The following SEMA3A variants were observed in gnomAD, a reference collection of about 807,000 sequenced individuals.
The protein encoded by SEMA3A is semaphorin 3A, also known as semaphorin-3A.
In SEMA3A, 29 loss-of-function variants were observed where a neutral mutation model predicts 97.9. The observed-to-expected ratio is 0.30, with a 90% CI of 0.22 to 0.40. The LOEUF is 0.40. Among genes scored for constraint, SEMA3A ranks in the 10% least tolerant of loss-of-function variants. SEMA3A has a pLI of 1.00. For synonymous variants in SEMA3A, 321 were observed against 323.7 expected, an observed-to-expected ratio of 0.99 and a Z score of 0.09; for missense variants, 763 against 951.3, an observed-to-expected ratio of 0.80 and a Z score of 2.60.
intron 3 of SEMA3A, among the ~76,000 whole-genome samples, chr7:84,229,719 A>T (rs1799073383): frequency 6.6e-6 from 1 of 152,080 alleles, no homozygotes; most frequent in Non-Finnish European, 1.5e-5. Context: ...TGGACTCTCT[A>T]TCCAGAGAAC....
At position 83,960,905 on chromosome 7, in the gene SEMA3A, C is replaced by A; in HGVS notation, c.*466G>T. ...ATTTTACTCCTCAAGTACATACAAA[C>A]ATGAGGGCCGGTAGACAAAATATAT... On this transcript the variant is annotated 3_prime_UTR_variant, in exon 17 of 17. Coordinates refer to ENST00000265362, the MANE Select transcript of SEMA3A (RefSeq NM_006080.3). 1 of 166,654 alleles carries A rather than the reference C, an allele frequency of 6.0e-6. No homozygotes were observed. Among genetic ancestry groups the A allele is most frequent in the Non-Finnish European group, 1.3e-5 (1 of 76,058 alleles). The allele number at this position is 166,654 out of a possible 1,614,324, so 10.3% of individuals were successfully genotyped here.
At chr7:84,321,802 G>T (rs1801651602) in intron 2 of SEMA3A, among the ~76,000 whole-genome samples, 1 of 149,234 alleles carries the variant, frequency 6.7e-6, no homozygotes, top group African/African-American at 2.5e-5. Context: ...TGTGAACCGG[G>T]GAGGCAGGGG....
intron 1 of SEMA3A, among the ~76,000 whole-genome samples, chr7:84,443,925 T>C (rs1043415648): frequency 6.9e-6 from 1 of 145,814 alleles, no homozygotes; most frequent in Admixed American, 7.0e-5. Flanking sequence ...CTCACTCTGT[T>C]GCCCAAGCTG....
rs192530203 is a variant in SEMA3A, at chr7:84,044,918, C to T, written c.667+1406G>A. Among the ~76,000 whole-genome samples the T allele has an allele frequency of 8.5e-5, 13 of 152,126 alleles. No homozygotes were observed. In the East Asian group the frequency reaches 2.1e-3, roughly 25 times the overall value. On this transcript the variant is annotated intron_variant, in intron 6 of 16. Transcript: ENST00000265362. ...TAAAAGCCAAGGCTGAAGGGTCAAA[C>T]GTGGAGGCAGGGAGCATGCCTTTGT...
chr7:84,038,746 T>G (rs548971979), intron 6 of SEMA3A, among the ~76,000 whole-genome samples: 1 of 152,264 alleles, frequency 6.6e-6, no homozygotes, highest in African/African-American at 2.4e-5. Context: ...AATGGAGAAT[T>G]AACCTAATTG....
intron 3 of SEMA3A, among the ~76,000 whole-genome samples, chr7:84,116,121 C>A (rs187992722): frequency 6.6e-6 from 1 of 152,256 alleles, no homozygotes; most frequent in Non-Finnish European, 1.5e-5. Context: ...CTCCTTTCTA[C>A]CCCATCTTGC....
Position 84,001,678 on chromosome 7 carries a change from T to TTACA in SEMA3A, c.1452+276_1452+277insTGTA, listed in dbSNP as rs150026787. Among the ~76,000 whole-genome samples, 105,205 of 151,340 alleles carry TTACA rather than the reference T, an allele frequency of 0.7. 36,771 individuals carry two copies. The highest frequency in any genetic ancestry group is 0.76 in the African/African-American group (31,397 of 41,246). ...GGAAGAGTTTGTTCATTGAGGTAAC[T>TTACA]TAAATAATATAAAATGTAATATAAA... is the stretch of plus-strand genomic sequence containing the variant. On this transcript the variant is annotated intron_variant, in intron 12 of 16. Transcript: ENST00000265362.
chr7:84,370,811 T>C (rs1802954931), intron 2 of SEMA3A, among the ~76,000 whole-genome samples: 1 of 151,554 alleles, frequency 6.6e-6, no homozygotes, highest in Non-Finnish European at 1.5e-5. Context: ...GGTAATTACA[T>C]AAACCACAAG....
intron 4 of SEMA3A, among the ~76,000 whole-genome samples, chr7:84,102,237 T>C (rs1168868087): frequency 6.6e-6 from 1 of 152,196 alleles, no homozygotes; most frequent in Admixed American, 6.5e-5. Flanking sequence ...AGATGCTAAT[T>C]TAGGATAAAA....
intron 6 of SEMA3A, among the ~76,000 whole-genome samples, chr7:84,018,700 G>A (rs1047453489): frequency 1.6e-4 from 25 of 152,298 alleles, no homozygotes; most frequent in African/African-American, 6.0e-4. Flanking sequence ...AACGGAGAAA[G>A]TTGTACACAC....
chr7:84,362,161 C>G (rs1306809719), intron 2 of SEMA3A, among the ~76,000 whole-genome samples: 1 of 151,764 alleles, frequency 6.6e-6, no homozygotes, highest in Admixed American at 6.6e-5. Flanking sequence ...CTGTTGTAAA[C>G]TTGAGAACAG....
intron 16 of SEMA3A, among the ~76,000 whole-genome samples, chr7:83,962,883 T>A (rs1788526176): frequency 5.3e-5 from 8 of 152,214 alleles, no homozygotes; most frequent in Admixed American, 5.2e-4. Flanking sequence ...TAGGAGGTTT[T>A]TTTTTATTTG....
intron 3 of SEMA3A, among the ~76,000 whole-genome samples, chr7:84,267,200 C>A (rs1382871192): frequency 1.3e-5 from 2 of 152,056 alleles, no homozygotes; most frequent in African/African-American, 2.4e-5. Context: ...CAGTATAATA[C>A]AAATATTCCA....
intron 3 of SEMA3A, among the ~76,000 whole-genome samples, chr7:84,245,908 A>G (rs1799465806): frequency 6.6e-6 from 1 of 152,188 alleles, no homozygotes; most frequent in Non-Finnish European, 1.5e-5. Flanking sequence ...TGCTTTCTTC[A>G]GAGCAGGCAG....
At chr7:84,353,187 G>T (rs920980255) in intron 2 of SEMA3A, among the ~76,000 whole-genome samples, 2 of 151,720 alleles carry the variant, frequency 1.3e-5, no homozygotes, top group East Asian at 3.9e-4. Context: ...CAAGAAAAAT[G>T]TCTGTGCAAG....
At chr7:83,981,883 GACTTCTCAGTAC>G (rs1359167057) in intron 13 of SEMA3A, among the ~76,000 whole-genome samples, 1 of 152,040 alleles carries the variant, frequency 6.6e-6, no homozygotes, top group Non-Finnish European at 1.5e-5. Flanking sequence ...CATTGCTTCT[GACTTCTCAGTAC>G]CCTATTGTAT....
At chr7:84,161,029 G>T (rs1797015034) in intron 1 of SEMA3A, among the ~76,000 whole-genome samples, 1 of 152,130 alleles carries the variant, frequency 6.6e-6, no homozygotes, top group Non-Finnish European at 1.5e-5. Context: ...ATGAAAGGTT[G>T]TTGTTGCATG....
intron 2 of SEMA3A, among the ~76,000 whole-genome samples, chr7:84,360,617 AC>A (rs1156403531): frequency 2.0e-5 from 3 of 152,024 alleles, no homozygotes; most frequent in Non-Finnish European, 4.4e-5. Flanking sequence ...CACATTTTTT[AC>A]TTACCCAAAG....
At chr7:84,117,471 C>T (rs867355647) in intron 3 of SEMA3A, among the ~76,000 whole-genome samples, 1 of 152,258 alleles carries the variant, frequency 6.6e-6, no homozygotes, top group East Asian at 1.9e-4. Context: ...CAGTCAGGGT[C>T]CTGTTAAGAA....
Sources: allele counts gnomAD v4.1 joint callset (sites outside exome capture counted in the v4.1 genomes callset), GRCh38; gene constraint gnomAD v4.1.1; transcripts MANE v1.5; gene names NCBI Gene and HGNC (gene_info 2026-07-23, HGNC 2026-07-21).